The following TRHDE variants were observed in gnomAD, a reference collection of about 807,000 sequenced individuals.
TRHDE encodes thyrotropin-releasing hormone-degrading ectoenzyme.
Under a neutral mutation model 125.7 loss-of-function variants are expected in TRHDE, and 72 were observed. That is an observed-to-expected ratio of 0.57 (90% CI 0.47 to 0.70). The LOEUF (loss-of-function observed/expected upper bound fraction) is 0.70. Among genes scored for constraint, TRHDE ranks in the 30% least tolerant of loss-of-function variants. TRHDE has a pLI of 0.00. For missense variants in TRHDE, 1,110 were observed against 1,327.1 expected (o/e 0.84, Z 2.54); for synonymous variants, 509 against 509.1 (o/e 1.00, Z 0.00).
intron 3 of TRHDE, among the ~76,000 whole-genome samples, chr12:72,398,462 C>T (rs1274372281): frequency 6.6e-6 from 1 of 152,068 alleles, no homozygotes; most frequent in East Asian, 1.9e-4. Context: ...TGTACTTTGC[C>T]ATTTATATAG....
rs753841371 is a variant in TRHDE at position 72,286,746 on chromosome 12, C to T, written c.980C>T (p.Pro327Leu). 6.2e-7 allele frequency: 1 copy of T among 1,613,810 alleles called. No individual in the cohort carries two copies. Among genetic ancestry groups the T allele is most frequent in the South Asian group, 1.1e-5 (1 of 91,048 alleles). ...ARKAFPCFDE[P>L]IYKATFKISI... ...AAGGCATTTCCTTGTTTTGATGAGCCAATCTACAAGGCTACTTTCAAAATC... is the reference window on the plus strand; with the variant it reads ...AAGGCATTTCCTTGTTTTGATGAGCTAATCTACAAGGCTACTTTCAAAATC... Residue 327 changes from proline to leucine, a missense_variant, in exon 2 of 19, where the codon CCA becomes CTA. Around this residue, in one of 5 missense-constraint regions of TRHDE, gnomAD observed 252 missense variants for 274.8 expected, o/e 0.92. Coordinates refer to ENST00000261180, the MANE Select transcript of TRHDE (RefSeq NM_013381.3).
chr12:72,096,934 G>A lies in TRHDE; in HGVS notation n.175-8714G>A, dbSNP rs143669451. 1.0e-3 allele frequency among the ~76,000 whole-genome samples: 156 copies of A among 152,276 alleles called. 4 individuals are homozygous for A. In the East Asian group the frequency reaches 0.016, roughly 16 times the overall value. ...TCTAGCTCACATCTTCTCCACTTAA[G>A]AGCATGGCAGAAAAGAGTGCTAACA... On this transcript the variant is annotated intron_variant and non_coding_transcript_variant, in intron 1 of 4. Coordinates refer to the TRHDE transcript ENST00000548156.
chr12:72,467,473 A>G (rs1876437495), intron 3 of TRHDE, among the ~76,000 whole-genome samples: 1 of 152,124 alleles, frequency 6.6e-6, no homozygotes, highest in Non-Finnish European at 1.5e-5. Flanking sequence ...TCTAAAATGT[A>G]GCGGAAGATG....
intron 2 of TRHDE, among the ~76,000 whole-genome samples, chr12:72,193,872 T>C (rs182715908): frequency 2.7e-4 from 41 of 152,248 alleles, no homozygotes; most frequent in African/African-American, 9.6e-4. Context: ...TTCCCTTCCA[T>C]CAGCTAGCTA....
chr12:72,347,756 C>T (rs1182490739), intron 2 of TRHDE, among the ~76,000 whole-genome samples: 1 of 152,080 alleles, frequency 6.6e-6, no homozygotes, highest in African/African-American at 2.4e-5. Flanking sequence ...AACACAACAG[C>T]TGGCTTCAAG....
chr12:72,547,605 C>T (rs1477550174), intron 7 of TRHDE, among the ~76,000 whole-genome samples: 1 of 151,722 alleles, frequency 6.6e-6, no homozygotes, highest in Non-Finnish European at 1.5e-5. Flanking sequence ...TTCCTACCTC[C>T]CCAGGTGGGC....
intron 7 of TRHDE, among the ~76,000 whole-genome samples, chr12:72,547,722 C>T (rs1178402065): frequency 6.6e-6 from 1 of 151,638 alleles, no homozygotes; most frequent in Admixed American, 6.6e-5. Flanking sequence ...ATGTGTTCTC[C>T]CAACCCAGGA....
At chr12:72,591,175 C>A (rs1871661401) in intron 12 of TRHDE, among the ~76,000 whole-genome samples, 1 of 152,154 alleles carries the variant, frequency 6.6e-6, no homozygotes, top group Non-Finnish European at 1.5e-5. Flanking sequence ...AAAACCCACC[C>A]CCATGATTCA....
chr12:72,304,811 A>T (rs1380128188), intron 2 of TRHDE, among the ~76,000 whole-genome samples: 2 of 152,210 alleles, frequency 1.3e-5, no homozygotes, highest in Non-Finnish European at 2.9e-5. Context: ...GAAATTATTA[A>T]TATAGGGAAT....
chr12:72,366,094 A>G (rs1185057146), intron 2 of TRHDE, among the ~76,000 whole-genome samples: 1 of 152,024 alleles, frequency 6.6e-6, no homozygotes, highest in Non-Finnish European at 1.5e-5. Flanking sequence ...TTATAATGAC[A>G]TTTGTGATTA....
intron 3 of TRHDE, among the ~76,000 whole-genome samples, chr12:72,400,359 A>G (rs1276635061): frequency 6.6e-6 from 1 of 152,174 alleles, no homozygotes; most frequent in African/African-American, 2.4e-5. Flanking sequence ...GGTACGAGCA[A>G]TTCTTTTGCT....
At chr12:72,191,073 C>A (rs577436870) in intron 2 of TRHDE, among the ~76,000 whole-genome samples, 2 of 152,210 alleles carry the variant, frequency 1.3e-5, no homozygotes, top group South Asian at 4.2e-4. Context: ...AACATTGAGC[C>A]AGAATAAATA....
At chr12:72,516,312 T>C (rs1224173212) in intron 6 of TRHDE, among the ~76,000 whole-genome samples, 3 of 152,178 alleles carry the variant, frequency 2.0e-5, no homozygotes, top group African/African-American at 7.2e-5. Context: ...TATCCTCTTT[T>C]ATTTCATTGA....
intron 15 of TRHDE, 133 bp from the exon 16 acceptor site, chr12:72,652,189 G>C: frequency 2.2e-6 from 1 of 458,392 alleles, no homozygotes; most frequent in Non-Finnish European, 3.6e-6. Context: ...GTAGTATTCT[G>C]TTTCAGGTAA....
intron 2 of TRHDE, among the ~76,000 whole-genome samples, chr12:72,248,056 C>T (rs4315124): frequency 0.77 from 117,071 of 152,112 alleles, 45,975 homozygotes; most frequent in Non-Finnish European, 0.85. Flanking sequence ...TGTATGCATG[C>T]ATGTGTGTAT....
At chr12:72,404,767 G>A (rs73146915) in intron 3 of TRHDE, among the ~76,000 whole-genome samples, 10,883 of 152,218 alleles carry the variant, frequency 0.071, 529 homozygotes, top group Non-Finnish European at 0.11. Context: ...AATTCAATAT[G>A]AGATTTGGGT....
At chr12:72,158,336 G>GTA (rs1157005963) in intron 2 of TRHDE, among the ~76,000 whole-genome samples, 17 of 151,158 alleles carry the variant, frequency 1.1e-4, no homozygotes, top group East Asian at 3.9e-4. Context: ...GAAATTATAT[G>GTA]TATATATATA....
chr12:72,206,313 G>C (rs1877664363), intron 2 of TRHDE, among the ~76,000 whole-genome samples: 1 of 152,042 alleles, frequency 6.6e-6, no homozygotes, highest in African/African-American at 2.4e-5. Flanking sequence ...GACTGGTATT[G>C]AACTCCTGAC....
chr12:72,155,640 A>C (rs999578789), intron 2 of TRHDE, among the ~76,000 whole-genome samples: 2 of 151,944 alleles, frequency 1.3e-5, no homozygotes, highest in African/African-American at 4.8e-5. Flanking sequence ...GGTGTATTGG[A>C]GTTTGCTGGA....
Sources: allele counts gnomAD v4.1 joint callset (sites outside exome capture counted in the v4.1 genomes callset), GRCh38; gene constraint gnomAD v4.1.1; regional missense constraint gnomAD v4.1.1; transcripts MANE v1.5; gene names NCBI Gene and HGNC (gene_info 2026-07-23, HGNC 2026-07-21).